FOXP2: variants seen among roughly 807,000 people sequenced by gnomAD.
FOXP2 encodes forkhead box P2, also known as forkhead box protein P2.
In FOXP2, 12 loss-of-function variants were observed where a neutral mutation model predicts 115.8. That is an observed-to-expected ratio of 0.10 (90% CI 0.07 to 0.17). The LOEUF is 0.17. Among genes scored for constraint, FOXP2 ranks in the 10% least tolerant of loss-of-function variants. FOXP2 has a pLI of 1.00. For synonymous variants in FOXP2, 328 were observed against 297.7 expected, an observed-to-expected ratio of 1.10 and a Z score of -1.05; for missense variants, 629 against 843.5, an observed-to-expected ratio of 0.75 and a Z score of 3.15.
rs1797881062 is a variant in FOXP2 at position 114,337,449 on chromosome 7, AT to A, written c.-11+49344del. Among the ~76,000 whole-genome samples, 4 of 151,262 alleles carry A rather than the reference AT, an allele frequency of 2.6e-5. No homozygotes were observed. The South Asian group carries it at 8.3e-4, about 31-fold the overall frequency. On this transcript the variant is annotated intron_variant, in intron 2 of 17. Transcript: ENST00000634411. ...TTTACATATTCTAATAAGACTTAAA[AT>A]TTTGGATTTTTATGCTGTAATAGTC...
chr7:114,468,288 C>T (rs1012479511), intron 2 of FOXP2, among the ~76,000 whole-genome samples: 1 of 152,030 alleles, frequency 6.6e-6, no homozygotes, highest in African/African-American at 2.4e-5. Flanking sequence ...TCTATTCAAT[C>T]CAGGACCAAA....
At chr7:114,380,687 G>T (rs903860362) in intron 2 of FOXP2, among the ~76,000 whole-genome samples, 1 of 152,236 alleles carries the variant, frequency 6.6e-6, no homozygotes, top group Non-Finnish European at 1.5e-5. Context: ...GTAAACAGTT[G>T]TCTGACAGCC....
chr7:114,111,742 G>T (rs1019671047), intron 1 of FOXP2, among the ~76,000 whole-genome samples: 1 of 152,000 alleles, frequency 6.6e-6, no homozygotes, highest in African/African-American at 2.4e-5. Flanking sequence ...GAAGAGATCT[G>T]TAAATGAGGG....
intron 1 of FOXP2, among the ~76,000 whole-genome samples, chr7:114,206,673 A>T (rs1584544866): frequency 2.0e-5 from 3 of 152,248 alleles, no homozygotes; most frequent in East Asian, 3.9e-4. Context: ...AAGCTCCATG[A>T]GTCATTTTCC....
intron 16 of FOXP2, among the ~76,000 whole-genome samples, chr7:114,676,581 A>T (rs1225163813): frequency 5.9e-5 from 9 of 152,298 alleles, no homozygotes; most frequent in Non-Finnish European, 1.5e-5. Flanking sequence ...ATGATCCATG[A>T]TTACTATAGA....
intron 1 of FOXP2, among the ~76,000 whole-genome samples, chr7:114,154,346 C>T (rs1255322305): frequency 1.3e-5 from 2 of 150,186 alleles, no homozygotes; most frequent in African/African-American, 4.9e-5. Flanking sequence ...TTTTTTTTTT[C>T]CACCTCTCCT....
chr7:114,589,018 G>A (rs140942922), intron 3 of FOXP2, among the ~76,000 whole-genome samples: 9 of 152,068 alleles, frequency 5.9e-5, no homozygotes, highest in African/African-American at 9.6e-5. Flanking sequence ...AAATAAACTC[G>A]AGTATATATT....
intron 1 of FOXP2, among the ~76,000 whole-genome samples, chr7:114,176,298 T>TTCTTTCTC (rs368923204): frequency 2.6e-3 from 202 of 76,552 alleles, no homozygotes; most frequent in Middle Eastern, 6.3e-3. Flanking sequence ...CTTTCTTTCT[T>TTCTTTCTC]TCTCTCTCTC....
At chr7:114,547,172 A>C (rs1799966208) in intron 3 of FOXP2, among the ~76,000 whole-genome samples, 1 of 152,124 alleles carries the variant, frequency 6.6e-6, no homozygotes, top group African/African-American at 2.4e-5. Context: ...TACTATTTCT[A>C]ATGATTCCTT....
In FOXP2 at chr7:114,172,159, C is replaced by A. The variant is rs1793161742; in HGVS notation, c.-102+9071C>A. Among the ~76,000 whole-genome samples the A allele has an allele frequency of 2.0e-5, 3 of 152,140 alleles. 1 individual carries two copies. The highest frequency in any genetic ancestry group is 2.4e-5 in the African/African-American group (1 of 41,432). On this transcript the variant is annotated intron_variant, in intron 1 of 17. Coordinates refer to the FOXP2 transcript ENST00000634411. ...GACATAATGCTATTGCATACTTAAT[C>A]TACTACAGTATAATGTACCTATAAC... is the stretch of plus-strand genomic sequence containing the variant.
chr7:114,300,376 T>C (rs185911000), intron 2 of FOXP2, among the ~76,000 whole-genome samples: 1 of 152,198 alleles, frequency 6.6e-6, no homozygotes, highest in Admixed American at 6.5e-5. Context: ...TGTATTTATT[T>C]ATTGGAAAAT....
intron 2 of FOXP2, among the ~76,000 whole-genome samples, chr7:114,369,226 C>T (rs184564337): frequency 4.2e-4 from 64 of 152,274 alleles, no homozygotes; most frequent in African/African-American, 1.4e-3. Context: ...ACATCACTTC[C>T]GTCACATTCT....
At chr7:114,623,776 A>G (rs1037193526) in intron 3 of FOXP2, among the ~76,000 whole-genome samples, 3 of 151,960 alleles carry the variant, frequency 2.0e-5, no homozygotes, top group Non-Finnish European at 4.4e-5. Flanking sequence ...GTCTTAAAGT[A>G]ATAGTAGAAA....
intron 2 of FOXP2, among the ~76,000 whole-genome samples, chr7:114,306,966 C>G (rs904567421): frequency 2.6e-5 from 4 of 152,116 alleles, no homozygotes; most frequent in African/African-American, 9.7e-5. Flanking sequence ...TGGCTAATTC[C>G]AGACGATCTC....
chr7:114,092,713 A>T (rs73206249), intron 1 of FOXP2, among the ~76,000 whole-genome samples: 29,567 of 151,342 alleles, frequency 0.2, 3,514 homozygotes, highest in Middle Eastern at 0.3. Context: ...ATTTTTTTTT[A>T]AAAAAAGATC....
At chr7:114,483,851 A>G (rs981631568) in intron 2 of FOXP2, among the ~76,000 whole-genome samples, 2 of 151,794 alleles carry the variant, frequency 1.3e-5, no homozygotes, top group Non-Finnish European at 3.0e-5. Context: ...TAATTAAATT[A>G]GATGTGCATT....
intron 8 of FOXP2, among the ~76,000 whole-genome samples, chr7:114,649,679 G>A (rs1232115332): frequency 3.3e-5 from 5 of 151,820 alleles, no homozygotes; most frequent in Non-Finnish European, 5.9e-5. Flanking sequence ...ACTTTGATTG[G>A]CATAATTAAG....
chr7:114,665,179 C>G (rs780760904), intron 16 of FOXP2: 2 of 151,954 alleles, frequency 1.3e-5, no homozygotes, highest in Non-Finnish European at 2.9e-5. Context: ...AAATGCCTGG[C>G]TTTTTTCAAT....
chr7:114,123,993 G>A (rs773602671), intron 1 of FOXP2, among the ~76,000 whole-genome samples: 6 of 152,032 alleles, frequency 3.9e-5, no homozygotes, highest in Non-Finnish European at 8.8e-5. Context: ...AAAAGAGCCT[G>A]CAGGCTTAGC....
Sources: gnomAD v4.1 joint callset for allele counts (sites outside exome capture counted in the v4.1 genomes callset) on GRCh38, gnomAD v4.1.1 for gene constraint, MANE v1.5 for transcripts, NCBI Gene and HGNC (gene_info 2026-07-23, HGNC 2026-07-21) for gene names.